GLIS3: variants seen among roughly 807,000 people sequenced by gnomAD.
GLIS3 encodes the protein zinc finger protein GLIS3.
In GLIS3, 53 loss-of-function variants were observed where a neutral mutation model predicts 78.6. The ratio of observed to expected loss-of-function variants is 0.67; its 90% CI spans 0.54 to 0.85. GLIS3 has a LOEUF of 0.85. Among genes scored for constraint, GLIS3 ranks in the 40% least tolerant of loss-of-function variants. The pLI is 0.00. For missense variants in GLIS3, 1,703 were observed against 1,231.1 expected (o/e 1.38, Z -5.74); for synonymous variants, 684 against 509.9 (o/e 1.34, Z -4.60).
rs539798606 is a variant in GLIS3, at chr9:4,239,463, G to A, written c.388+46575C>T. On this transcript the variant is annotated intron_variant, in intron 2 of 10. Coordinates refer to ENST00000381971, the MANE Select transcript of GLIS3 (RefSeq NM_001042413.2). ...CCTAGATTACAGGCTGCAGGGTTGGGGCTATTCCTAGAGACCTAGAGCAAA... is the reference window on the plus strand; with the variant it reads ...CCTAGATTACAGGCTGCAGGGTTGGAGCTATTCCTAGAGACCTAGAGCAAA... 2.6e-5 allele frequency among the ~76,000 whole-genome samples: 4 copies of A among 152,070 alleles called. No individual in the cohort carries two copies. The South Asian group carries it at 8.3e-4, about 32-fold the overall frequency.
At chr9:4,400,513 T>A in the GLIS3 span, among the ~76,000 whole-genome samples, 8 of 152,234 alleles carry the variant, frequency 5.3e-5, no homozygotes, top group Non-Finnish European at 1.0e-4. Flanking sequence ...GATTATAGAT[T>A]AGCCATTTCT....
At chr9:4,412,202 G>A in the GLIS3 span, among the ~76,000 whole-genome samples, 17 of 152,312 alleles carry the variant, frequency 1.1e-4, no homozygotes, top group African/African-American at 4.1e-4. Context: ...AAGGTGGAGG[G>A]CTTATCCTGC....
chr9:4,486,988 A>T, the GLIS3 span, among the ~76,000 whole-genome samples: 1 of 152,076 alleles, frequency 6.6e-6, no homozygotes, highest in Non-Finnish European at 1.5e-5. Flanking sequence ...GTGAGTCGAC[A>T]CTCCCGGCTC....
the GLIS3 span, among the ~76,000 whole-genome samples, chr9:4,385,489 C>T: frequency 6.6e-6 from 1 of 151,814 alleles, no homozygotes; most frequent in Non-Finnish European, 1.5e-5. Flanking sequence ...CATGGCATAA[C>T]CCTGTCTCTA....
At chr9:4,417,742 A>G in the GLIS3 span, among the ~76,000 whole-genome samples, 1 of 152,226 alleles carries the variant, frequency 6.6e-6, no homozygotes, top group Non-Finnish European at 1.5e-5. Context: ...ACATTATGTG[A>G]GAATTCCTGT....
Position 4,286,220 on chromosome 9 carries a change from G to C in GLIS3, c.206C>G (p.Ala69Gly). 1.9e-6 allele frequency: 3 copies of C among 1,614,226 alleles called. No individual in the cohort carries two copies. The highest frequency in any genetic ancestry group is 2.5e-6 in the Non-Finnish European group (3 of 1,180,042). ...GCTCTCAGCCACGTTGTTCTGAGGA[G>C]CCATCCCTCCTCCTGAGGGCATCTT... The part of the protein sequence containing the change: ...HLKMPSGGGM[A>G]PQNNVAESRI... The change falls in exon 2 of 11, where the codon GCT becomes GGT. Residue 69 changes from alanine to glycine, a missense_variant. By Grantham distance (60) the Ala-to-Gly change is moderately conservative. Coordinates refer to ENST00000381971, the MANE Select transcript of GLIS3 (RefSeq NM_001042413.2).
intron 4 of GLIS3, among the ~76,000 whole-genome samples, chr9:4,107,905 A>C (rs186657362): frequency 4.5e-4 from 68 of 152,344 alleles, no homozygotes; most frequent in Middle Eastern, 3.4e-3. Flanking sequence ...AGTGCAAATA[A>C]CAGAATAATA....
intron 7 of GLIS3, among the ~76,000 whole-genome samples, chr9:3,895,942 A>C (rs1485578778): frequency 6.6e-6 from 1 of 152,226 alleles, no homozygotes; most frequent in Non-Finnish European, 1.5e-5. Context: ...CTAGCACTTA[A>C]AGGTAGAAGT....
the GLIS3 span, among the ~76,000 whole-genome samples, chr9:4,366,132 G>T: frequency 3.9e-5 from 6 of 152,116 alleles, no homozygotes; most frequent in African/African-American, 1.4e-4. Context: ...ATAGGACAGA[G>T]GATATAAAGG....
chr9:4,420,092 A>T, the GLIS3 span, among the ~76,000 whole-genome samples: 48 of 152,212 alleles, frequency 3.2e-4, no homozygotes, highest in African/African-American at 9.6e-4. Flanking sequence ...TGTGGTGCTC[A>T]CTCCTGGAGA....
intron 2 of GLIS3, among the ~76,000 whole-genome samples, chr9:4,335,887 A>T (rs996226065): frequency 2.6e-5 from 4 of 152,218 alleles, no homozygotes; most frequent in African/African-American, 9.7e-5. Context: ...CAGTTCCAAG[A>T]AATTCAGTTA....
At chr9:3,928,779 A>G (rs1825421397) in intron 6 of GLIS3, among the ~76,000 whole-genome samples, 1 of 152,258 alleles carries the variant, frequency 6.6e-6, no homozygotes, top group Non-Finnish European at 1.5e-5. Flanking sequence ...CATCAGCCAC[A>G]GTGGATCATA....
chr9:3,920,217 A>G (rs1023886107), intron 6 of GLIS3, among the ~76,000 whole-genome samples: 1 of 151,972 alleles, frequency 6.6e-6, no homozygotes, highest in Admixed American at 6.6e-5. Context: ...GTTAGCCAGG[A>G]TGGTCTCAAT....
chr9:3,952,093 T>C (rs1468485692), intron 4 of GLIS3, among the ~76,000 whole-genome samples: 1 of 129,696 alleles, frequency 7.7e-6, no homozygotes, highest in Non-Finnish European at 1.6e-5. Context: ...AAGGCAGATC[T>C]GGAAAAAAAA....
chr9:4,112,784 T>C (rs1831324564), intron 4 of GLIS3, among the ~76,000 whole-genome samples: 1 of 152,210 alleles, frequency 6.6e-6, no homozygotes, highest in Non-Finnish European at 1.5e-5. Flanking sequence ...TTATGAAATA[T>C]TTCAAATAGG....
intron 2 of GLIS3, among the ~76,000 whole-genome samples, chr9:4,273,292 G>C (rs1379980769): frequency 1.3e-5 from 2 of 152,134 alleles, no homozygotes; most frequent in South Asian, 2.1e-4. Flanking sequence ...CTACCAGTTT[G>C]CCACTTAAAA....
intron 8 of GLIS3, among the ~76,000 whole-genome samples, chr9:3,858,735 T>C (rs921033895): frequency 6.6e-6 from 1 of 152,196 alleles, no homozygotes; most frequent in Non-Finnish European, 1.5e-5. Flanking sequence ...TGTTAACTTT[T>C]ATACATGTAG....
intron 4 of GLIS3, among the ~76,000 whole-genome samples, chr9:4,047,727 C>T (rs373908440): frequency 6.6e-6 from 1 of 152,222 alleles, no homozygotes; most frequent in East Asian, 1.9e-4. Flanking sequence ...GTGTGCTACC[C>T]CATGCCAGCA....
chr9:3,986,880 G>A, intron 4 of GLIS3, among the ~76,000 whole-genome samples: 1 of 152,192 alleles, frequency 6.6e-6, no homozygotes, highest in Non-Finnish European at 1.5e-5. Flanking sequence ...GCAACCCAGA[G>A]TTTCCAAACA....
Sources: gnomAD v4.1 joint callset for allele counts (sites outside exome capture counted in the v4.1 genomes callset) on GRCh38, gnomAD v4.1.1 for gene constraint, MANE v1.5 for transcripts, NCBI Gene and HGNC (gene_info 2026-07-23, HGNC 2026-07-21) for gene names.